Variants in SELENON observed in about 807,000 individuals in gnomAD.
SELENON encodes selenoprotein N, also known as selenoprotein N, 1.
SELENON carries 44 observed loss-of-function variants against 59.5 expected under a neutral mutation model. The ratio of observed to expected loss-of-function variants is 0.74; its 90% CI spans 0.58 to 0.95. SELENON has a LOEUF of 0.95. Among genes scored for constraint, SELENON ranks in the 40% least tolerant of loss-of-function variants. The pLI is 0.00. For missense variants in SELENON, 674 were observed against 721.4 expected (o/e 0.93, Z 0.75); for synonymous variants, 320 against 305.6 (o/e 1.05, Z -0.49).
Position 25,809,147 on chromosome 1 carries a change from T to A in SELENON, c.869T>A (p.Phe290Tyr), listed in dbSNP as rs1553120113. The change falls in exon 6 of 13, where the codon TTC becomes TAC. Residue 290 changes from phenylalanine (F) to tyrosine (Y), a missense_variant. Phe to Tyr is a conservative substitution (Grantham distance 22). Transcript: ENST00000361547. ...AGCGACTTCTACTACACTGTGATGT[T>A]CCGGTGAGTGGGCCACACTGGCTGG... The A allele has an allele frequency of 2.5e-6, 4 of 1,613,676 alleles. No homozygotes were observed. In the East Asian group the frequency reaches 8.9e-5, roughly 36 times the overall value.
At chr1:25,805,406 G>GACAACATCACCGCAC in intron 4 of SELENON, 131 bp downstream of exon 3, 1 of 1,264,554 alleles carries the variant, frequency 7.9e-7, no homozygotes, top group Non-Finnish European at 1.1e-6. Context: ...CATGTGCGGT[G>GACAACATCACCGCAC]ATGTTGTCCC....
Position 25,815,799 on chromosome 1 carries a change from C to A in SELENON, c.*81C>A. 2 of 1,441,568 alleles carry A rather than the reference C, an allele frequency of 1.4e-6. No individual in the cohort carries two copies. Among genetic ancestry groups the A allele is most frequent in the Non-Finnish European group, 9.6e-7 (1 of 1,039,336 alleles). The allele number at this position is 1,441,568 out of a possible 1,614,324, so 89.3% of individuals were successfully genotyped here. A position where few individuals can be genotyped will look rare whatever the true frequency, so the allele number is the denominator to read the frequency against. ...CTCAGCCCATTTCAGACTGCAGATG[C>A]CGCCCACTCCCACCCCACTCCTAGG... is the stretch of plus-strand genomic sequence containing the variant. On this transcript the variant is annotated 3_prime_UTR_variant, in exon 13 of 13. Transcript: ENST00000361547.
chr1:25,812,882 G>A (rs1459270368), intron 10 of SELENON, 90 bp downstream of exon 9: 36 of 1,029,242 alleles, frequency 3.5e-5, no homozygotes, highest in Non-Finnish European at 4.8e-5. Flanking sequence ...GGACTCTTCT[G>A]TTGAGTTGTG....
At chr1:25,803,780 C>T (rs1239067618) in intron 3 of SELENON, among the ~76,000 whole-genome samples, 2 of 151,690 alleles carry the variant, frequency 1.3e-5, no homozygotes, top group African/African-American at 2.4e-5. Flanking sequence ...TCACTGCAAC[C>T]TCTGCCTCCC....
intron 2 of SELENON, among the ~76,000 whole-genome samples, chr1:25,801,773 G>T (rs910250372): frequency 1.2e-4 from 18 of 152,156 alleles, no homozygotes; most frequent in African/African-American, 4.1e-4. Context: ...CCTCACAGTA[G>T]CCCTGGGAGA....
At chr1:25,802,656 T>G (rs1057174128) in intron 3 of SELENON, among the ~76,000 whole-genome samples, 3 of 152,210 alleles carry the variant, frequency 2.0e-5, no homozygotes, top group Non-Finnish European at 4.4e-5. Context: ...GTGCCCGGCC[T>G]CCTATTCCAT....
Position 25,811,675 on chromosome 1 carries a change from C to T in SELENON, c.1093-16C>T, listed in dbSNP as rs1218738664. 6.2e-7 allele frequency: 1 copy of T among 1,611,766 alleles called. No homozygotes were observed. The highest frequency in any genetic ancestry group is 1.1e-5 in the South Asian group (1 of 90,918). ...CCATCTCTGAGCCTTCCCCCTACCACTGACCTCTGGCCCAGATGGAGCTGG... is the reference window on the plus strand; with the variant it reads ...CCATCTCTGAGCCTTCCCCCTACCATTGACCTCTGGCCCAGATGGAGCTGG... On this transcript the variant is annotated splice_polypyrimidine_tract_variant and intron_variant, in intron 8 of 12. Coordinates refer to ENST00000361547, the MANE Select transcript of SELENON (RefSeq NM_020451.3).
At position 25,813,891 on chromosome 1, in the gene SELENON, G is replaced by A. The variant is rs777411105; in HGVS notation, c.1398G>A (p.Arg466=). The change falls in exon 11 of 13, where the codon CGG becomes CGA. Residue 466 remains arginine (R), a synonymous_variant. Coordinates refer to ENST00000361547, the MANE Select transcript of SELENON (RefSeq NM_020451.3). ...TGTCTTCCTGAACAGGTTCAGGGCG[G>A]ACTCTCCGGGAGACTGTCCTGGAAA... 1 of 1,613,838 alleles carries A rather than the reference G, an allele frequency of 6.2e-7. No individual in the cohort carries two copies. Among genetic ancestry groups the A allele is most frequent in the Non-Finnish European group, 8.5e-7 (1 of 1,179,788 alleles).
At position 25,815,725 on chromosome 1, in the gene SELENON, T is replaced by C. The variant is rs2124457017; in HGVS notation, c.*7T>C. On this transcript the variant is annotated 3_prime_UTR_variant, in exon 13 of 13. Transcript: ENST00000361547. Reference sequence around the variant, plus strand: ...GCCCCTCCTCCAGCCCTAGAGTGCCTGGACGGGATCTGATGCACAGGCCCC... The same window carrying C: ...GCCCCTCCTCCAGCCCTAGAGTGCCCGGACGGGATCTGATGCACAGGCCCC... 1 of 1,613,546 alleles carries C rather than the reference T, an allele frequency of 6.2e-7. No homozygotes were observed. Among genetic ancestry groups the C allele is most frequent in the Non-Finnish European group, 8.5e-7 (1 of 1,179,996 alleles).
In SELENON at chr1:25,809,829, T is replaced by A. The variant is rs1310935918; in HGVS notation, c.1010+9T>A. The A allele has an allele frequency of 1.2e-6, 2 of 1,612,824 alleles. No individual in the cohort carries two copies. Among genetic ancestry groups the A allele is most frequent in the Non-Finnish European group, 1.7e-6 (2 of 1,179,998 alleles). On this transcript the variant is annotated intron_variant, in intron 7 of 12. Coordinates refer to ENST00000361547, the MANE Select transcript of SELENON (RefSeq NM_020451.3). ...TTCGTGCCCAACCACAGGTGGGAGC[T>A]TGACCCTGGCCCAGCCTTGGCTCCC...
intron 7 of SELENON, among the ~76,000 whole-genome samples, chr1:25,810,949 G>A (rs998606269): frequency 2.2e-4 from 34 of 152,324 alleles, no homozygotes; most frequent in African/African-American, 8.2e-4. Flanking sequence ...CTGACCCCCG[G>A]GGGTTACCTA....
chr1:25,803,320 TCCC>T (rs975415274), intron 3 of SELENON, among the ~76,000 whole-genome samples: 3 of 152,132 alleles, frequency 2.0e-5, no homozygotes, highest in Admixed American at 1.3e-4. Context: ...GTAAAAGAAT[TCCC>T]CCATTACCTC....
At chr1:25,811,359 T>G in intron 7 of SELENON, 95 bp from the exon 7 acceptor site, 1 of 1,116,250 alleles carries the variant, frequency 9.0e-7, no homozygotes, top group Non-Finnish European at 1.4e-6. Flanking sequence ...TGTCCTCATC[T>G]GGAAAGTGGA....
chr1:25,812,835 C>A, intron 10 of SELENON, 43 bp downstream of exon 9: 1 of 1,467,056 alleles, frequency 6.8e-7, no homozygotes, highest in Non-Finnish European at 9.5e-7. Context: ...TGGGAAAGTC[C>A]ACACCTTGTG....
rs1275985678 is a variant in SELENON, at chr1:25,817,424, AG to A, written c.*1708del. On this transcript the variant is annotated 3_prime_UTR_variant, in exon 13 of 13. Coordinates refer to ENST00000361547, the MANE Select transcript of SELENON (RefSeq NM_020451.3). The stretch of plus-strand genomic sequence containing the variant: ...GAGATGGGGTTTCACCATATTGGTC[AG>A]GCTGATCTGGAACTTCTGACCTCAG... The A allele has an allele frequency of 6.6e-6, 1 of 152,288 alleles. No individual in the cohort carries two copies. Among genetic ancestry groups the A allele is most frequent in the Non-Finnish European group, 1.5e-5 (1 of 68,094 alleles). 9.4% of individuals were successfully genotyped at this position (152,288 alleles called of 1,614,324 possible).
chr1:25,811,302 G>A, intron 7 of SELENON, 152 bp from the exon 7 acceptor site: 2 of 796,678 alleles, frequency 2.5e-6, no homozygotes, highest in Non-Finnish European at 4.4e-6. Context: ...TCTGCAGCCA[G>A]AATCCCAGTG....
At chr1:25,812,365 A>T (rs565383756) in intron 9 of SELENON, among the ~76,000 whole-genome samples, 6 of 152,044 alleles carry the variant, frequency 3.9e-5, no homozygotes, top group African/African-American at 1.4e-4. Context: ...AAATAAATGA[A>T]AATAATAATA....
intron 4 of SELENON, among the ~76,000 whole-genome samples, chr1:25,806,218 A>G (rs1187028376): frequency 1.3e-5 from 2 of 152,244 alleles, no homozygotes; most frequent in Non-Finnish European, 2.9e-5. Context: ...GGACCCACAC[A>G]GGGGCATCCC....
In SELENON at chr1:25,811,273, T is replaced by C. The variant is rs148884185; in HGVS notation, c.1011-181T>C. On this transcript the variant is annotated intron_variant, in intron 7 of 12. Transcript: ENST00000361547. ...AGTGCCTTAGGAAGGGGCAGCCTGGTGGGGAAGAGGGCCAGGGCTCTGCAG... is the reference window on the plus strand; with the variant it reads ...AGTGCCTTAGGAAGGGGCAGCCTGGCGGGGAAGAGGGCCAGGGCTCTGCAG... Among the ~76,000 whole-genome samples the C allele has an allele frequency of 0.014, 2,079 of 152,194 alleles. 42 individuals are homozygous for C. The highest frequency in any genetic ancestry group is 0.048 in the African/African-American group (1,991 of 41,538).
Sources: allele counts gnomAD v4.1 joint callset (sites outside exome capture counted in the v4.1 genomes callset), GRCh38; gene constraint gnomAD v4.1.1; transcripts MANE v1.5; gene names NCBI Gene and HGNC (gene_info 2026-07-23, HGNC 2026-07-21).